BAIAP2: variants seen among roughly 807,000 people sequenced by gnomAD.
BAIAP2 encodes BAR/IMD domain containing adaptor protein 2.
A neutral mutation model predicts 63.0 loss-of-function variants in BAIAP2; 18 were observed. The ratio of observed to expected loss-of-function variants is 0.29; its 90% CI spans 0.20 to 0.42. BAIAP2 has a LOEUF of 0.42. Ranked by LOEUF, BAIAP2 falls within the 10% of genes least tolerant of loss-of-function variation. The probability of loss-of-function intolerance (pLI) is 1.00; values close to 1 mark genes in which losing one functional copy is unlikely to be tolerated. For missense variants in BAIAP2, 610 were observed against 734.3 expected, an observed-to-expected ratio of 0.83 and a Z score of 1.96; for synonymous variants, 386 against 307.6, an observed-to-expected ratio of 1.25 and a Z score of -2.67.
chr17:81,103,832 C>T lies in BAIAP2; in HGVS notation c.865-75C>T, dbSNP rs572988943. 4.5e-4 allele frequency: 714 copies of T among 1,593,660 alleles called. 3 individuals are homozygous for T. The African/African-American group carries it at 6.9e-3, about 15-fold the overall frequency. ...AGTCCAGGGGCCCCTGCTGAGGGGG[C>T]GGAGGGTTCTCTTTCCCCCTGGTCT... On this transcript the variant is annotated intron_variant, in intron 8 of 13. Coordinates refer to ENST00000428708, the MANE Select transcript of BAIAP2 (RefSeq NM_001144888.2).
intron 13 of BAIAP2, chr17:81,109,660 C>T: frequency 1.0e-6 from 1 of 985,410 alleles, no homozygotes; most frequent in Non-Finnish European, 1.2e-6. Flanking sequence ...CACCTGAGGG[C>T]TTCTCCCTCT....
At chr17:81,082,283 T>C (rs2054760002) in intron 3 of BAIAP2, among the ~76,000 whole-genome samples, 1 of 152,266 alleles carries the variant, frequency 6.6e-6, no homozygotes, top group Middle Eastern at 3.4e-3. Flanking sequence ...CCCACTCACA[T>C]AGGTAGACAT....
rs577037550 is a variant in BAIAP2 at position 81,066,822 on chromosome 17, C to A, written c.217+8855C>A. Among the ~76,000 whole-genome samples, 20 of 152,294 alleles carry A rather than the reference C, an allele frequency of 1.3e-4. No individual in the cohort carries two copies. In the South Asian group the frequency reaches 4.1e-3, roughly 32 times the overall value. On this transcript the variant is annotated intron_variant, in intron 3 of 13. Transcript: ENST00000428708. ...GCTCCATGCACAGTGCACCCAGGGGCCCATGTGTCCCAGCCTCCTCCTGCA... is the reference window on the plus strand; with the variant it reads ...GCTCCATGCACAGTGCACCCAGGGGACCATGTGTCCCAGCCTCCTCCTGCA...
chr17:81,090,286 G>A (rs2056485561), intron 6 of BAIAP2, among the ~76,000 whole-genome samples: 1 of 152,236 alleles, frequency 6.6e-6, no homozygotes, highest in Non-Finnish European at 1.5e-5. Flanking sequence ...CTGACGGGAA[G>A]GGCTGTAGAG....
chr17:81,078,123 G>C (rs2053979946), intron 3 of BAIAP2, among the ~76,000 whole-genome samples: 1 of 150,480 alleles, frequency 6.6e-6, no homozygotes, highest in Non-Finnish European at 1.5e-5. Context: ...GTGGGAGCCG[G>C]GCACTGTGGG....
At chr17:81,049,594 C>A (rs1397973453) in intron 1 of BAIAP2, among the ~76,000 whole-genome samples, 1 of 152,236 alleles carries the variant, frequency 6.6e-6, no homozygotes, top group Non-Finnish European at 1.5e-5. Context: ...GAGCTCAGCT[C>A]CTTCCTGGTG....
chr17:81,071,127 C>T (rs549915708), intron 3 of BAIAP2, among the ~76,000 whole-genome samples: 3 of 151,860 alleles, frequency 2.0e-5, no homozygotes, highest in South Asian at 2.1e-4. Context: ...ATTGGTTACC[C>T]GCTGGCCACA....
chr17:81,090,845 G>A (rs11655132), intron 6 of BAIAP2, among the ~76,000 whole-genome samples: 34,036 of 152,032 alleles, frequency 0.22, 4,010 homozygotes, highest in Non-Finnish European at 0.25. Flanking sequence ...CCCACCCAGG[G>A]CTGTTCCTGC....
At chr17:81,067,917 G>T (rs1314221028) in intron 3 of BAIAP2, among the ~76,000 whole-genome samples, 1 of 152,204 alleles carries the variant, frequency 6.6e-6, no homozygotes, top group Non-Finnish European at 1.5e-5. Context: ...GGAAAGAGAG[G>T]AGCCGCTCAG....
At chr17:81,049,249 G>A (rs962751067) in intron 1 of BAIAP2, among the ~76,000 whole-genome samples, 2 of 152,132 alleles carry the variant, frequency 1.3e-5, no homozygotes, top group African/African-American at 4.8e-5. Context: ...GTCACAGAAC[G>A]TGGGCCCCTG....
At position 81,115,860 on chromosome 17, in the gene BAIAP2, CCCAT is replaced by C. The variant is rs1484723856; in HGVS notation, c.*23_*26del. The C allele has an allele frequency of 4.3e-6, 7 of 1,612,856 alleles. No individual in the cohort carries two copies. The highest frequency in any genetic ancestry group is 1.3e-5 in the African/African-American group (1 of 75,072). ...GCTGATGGCCACATCTGCAGTGCTG[CCCAT>C]CTGGTGGCTTCCCCCGCCCTTCCCA... On this transcript the variant is annotated 3_prime_UTR_variant, in exon 14 of 14. Transcript: ENST00000428708.
intron 3 of BAIAP2, chr17:81,083,719 C>T (rs940266293): frequency 6.6e-6 from 1 of 152,278 alleles, no homozygotes; most frequent in African/African-American, 2.4e-5. Context: ...AGCCAGCCCC[C>T]TGGGCTGATG....
At chr17:81,067,476 T>TTGCGGTGCAGGCTGAGCTC (rs1481924417) in intron 3 of BAIAP2, among the ~76,000 whole-genome samples, 1 of 152,222 alleles carries the variant, frequency 6.6e-6, no homozygotes, top group Non-Finnish European at 1.5e-5. Context: ...GCCAACAGCT[T>TTGCGGTGCAGGCTGAGCTC]TGCGGTGCAG....
At chr17:81,052,979 T>C (rs879308661) in intron 1 of BAIAP2, among the ~76,000 whole-genome samples, 3 of 152,328 alleles carry the variant, frequency 2.0e-5, no homozygotes, top group East Asian at 1.9e-4. Context: ...ACAGTCAGTG[T>C]ATGTTATGCC....
chr17:81,068,866 C>T (rs112776544), intron 3 of BAIAP2, among the ~76,000 whole-genome samples: 1 of 152,336 alleles, frequency 6.6e-6, no homozygotes, highest in Non-Finnish European at 1.5e-5. Context: ...CAGTGGGTTC[C>T]CTTGCCCACA....
intron 13 of BAIAP2, among the ~76,000 whole-genome samples, chr17:81,113,148 C>T (rs1568202116): frequency 6.6e-6 from 1 of 152,210 alleles, no homozygotes; most frequent in Admixed American, 6.5e-5. Context: ...TGTGAGGAGA[C>T]AGAGCCCAGG....
Position 81,116,267 on chromosome 17 carries a change from C to T in BAIAP2, c.*428C>T, listed in dbSNP as rs751240760. On this transcript the variant is annotated 3_prime_UTR_variant, in exon 14 of 14. Coordinates refer to ENST00000428708, the MANE Select transcript of BAIAP2 (RefSeq NM_001144888.2). ...CGCCCAAGGGCCAGAAGGCCGGGAGCACGGGGATGGGAGCGCCCGCACCCT... is the reference window on the plus strand; with the variant it reads ...CGCCCAAGGGCCAGAAGGCCGGGAGTACGGGGATGGGAGCGCCCGCACCCT... The T allele has an allele frequency of 2.2e-5, 36 of 1,612,768 alleles. No homozygotes were observed. Among genetic ancestry groups the T allele is most frequent in the Non-Finnish European group, 3.0e-5 (35 of 1,179,970 alleles).
chr17:81,060,293 C>A (rs2050323822), intron 3 of BAIAP2, among the ~76,000 whole-genome samples: 1 of 150,964 alleles, frequency 6.6e-6, no homozygotes, highest in Non-Finnish European at 1.5e-5. Context: ...TTTTTATCAC[C>A]CCAAAGCGTT....
intron 1 of BAIAP2, among the ~76,000 whole-genome samples, chr17:81,044,176 T>C (rs2047471604): frequency 2.0e-5 from 3 of 152,184 alleles, no homozygotes; most frequent in Admixed American, 1.3e-4. Context: ...CTAAGCTGCC[T>C]CCCTGCTTGC....
Sources: gnomAD v4.1 joint callset for allele counts (sites outside exome capture counted in the v4.1 genomes callset) on GRCh38, gnomAD v4.1.1 for gene constraint, MANE v1.5 for transcripts, NCBI Gene and HGNC (gene_info 2026-07-23, HGNC 2026-07-21) for gene names.